HEMK2: variants seen among roughly 807,000 people sequenced by gnomAD.
The protein encoded by HEMK2 is HemK methyltransferase 2, ETF1 glutamine and histone H4 lysine.
the HEMK2 span, among the ~76,000 whole-genome samples, chr21:28,648,645 T>C: frequency 6.6e-6 from 1 of 152,196 alleles, no homozygotes; most frequent in Non-Finnish European, 1.5e-5. Flanking sequence ...ATCTTCTATG[T>C]TGTGATTCTG....
chr21:28,637,453 TAA>T, the HEMK2 span, among the ~76,000 whole-genome samples: 796 of 143,578 alleles, frequency 5.5e-3, 6 homozygotes, highest in African/African-American at 0.019. Context: ...TAACAGAAAT[TAA>T]AAAAAAAAAA....
At chr21:28,771,521 C>G in the HEMK2 span, among the ~76,000 whole-genome samples, 167 of 131,554 alleles carry the variant, frequency 1.3e-3, 5 homozygotes, top group Middle Eastern at 0.012. Flanking sequence ...ATGCACCACC[C>G]CCCCCCGCCA....
the HEMK2 span, among the ~76,000 whole-genome samples, chr21:28,780,742 G>A: frequency 7.9e-5 from 12 of 152,294 alleles, no homozygotes; most frequent in East Asian, 1.5e-3. Flanking sequence ...AAGTCCCAAC[G>A]CCCTAGACGT....
chr21:28,696,810 A>G, the HEMK2 span, among the ~76,000 whole-genome samples: 1 of 152,176 alleles, frequency 6.6e-6, no homozygotes, highest in African/African-American at 2.4e-5. Flanking sequence ...CCCAAACTGC[A>G]TTTCTTGACC....
the HEMK2 span, among the ~76,000 whole-genome samples, chr21:28,739,370 T>C: frequency 1.3e-5 from 2 of 152,244 alleles, no homozygotes; most frequent in African/African-American, 4.8e-5. Flanking sequence ...AAGTGTTTTC[T>C]GAAATTAAGA....
the HEMK2 span, among the ~76,000 whole-genome samples, chr21:28,663,174 A>G: frequency 1.3e-5 from 2 of 152,198 alleles, no homozygotes; most frequent in Non-Finnish European, 2.9e-5. Context: ...ACGCTGGAAG[A>G]AAGACATAAT....
the HEMK2 span, among the ~76,000 whole-genome samples, chr21:28,705,127 T>C: frequency 6.6e-6 from 1 of 152,206 alleles, no homozygotes; most frequent in Non-Finnish European, 1.5e-5. Flanking sequence ...TTTTCATTTC[T>C]TTTCTTTTTT....
the HEMK2 span, among the ~76,000 whole-genome samples, chr21:28,758,642 G>A: frequency 6.6e-6 from 1 of 152,264 alleles, no homozygotes; most frequent in Admixed American, 6.5e-5. Context: ...AAGGCAACAA[G>A]AATAAAACCA....
the HEMK2 span, among the ~76,000 whole-genome samples, chr21:28,678,414 C>A: frequency 6.6e-6 from 1 of 152,194 alleles, no homozygotes; most frequent in Non-Finnish European, 1.5e-5. Flanking sequence ...AAATCTACGT[C>A]TGATTGGTGT....
the HEMK2 span, among the ~76,000 whole-genome samples, chr21:28,745,108 G>A: frequency 6.6e-6 from 1 of 152,180 alleles, no homozygotes; most frequent in Non-Finnish European, 1.5e-5. Flanking sequence ...TGCAAATAAA[G>A]AAAAATTGCT....
the HEMK2 span, among the ~76,000 whole-genome samples, chr21:28,818,805 G>C: frequency 0.016 from 2,466 of 152,276 alleles, 73 homozygotes; most frequent in African/African-American, 0.056. Flanking sequence ...GCAAAGAACT[G>C]TGGTTTTCAT....
chr21:28,810,738 A>T, the HEMK2 span, among the ~76,000 whole-genome samples: 1 of 152,114 alleles, frequency 6.6e-6, no homozygotes, highest in Non-Finnish European at 1.5e-5. Context: ...ACTCCCCAAA[A>T]ATACTCATTC....
chr21:28,663,989 T>G, the HEMK2 span, among the ~76,000 whole-genome samples: 1 of 152,194 alleles, frequency 6.6e-6, no homozygotes, highest in East Asian at 1.9e-4. Context: ...ATTGTACATA[T>G]AGTATGCTCA....
At chr21:28,863,460 A>ATG in the HEMK2 span, among the ~76,000 whole-genome samples, 11 of 77,702 alleles carry the variant, frequency 1.4e-4, no homozygotes, top group Non-Finnish European at 2.5e-4. Flanking sequence ...ATATATATAT[A>ATG]TATATATATA....
the HEMK2 span, among the ~76,000 whole-genome samples, chr21:28,692,437 A>C: frequency 2.0e-5 from 3 of 152,142 alleles, no homozygotes; most frequent in African/African-American, 7.2e-5. Context: ...GAATATATAT[A>C]CTGTATATGC....
At chr21:28,657,108 C>T in the HEMK2 span, among the ~76,000 whole-genome samples, 6 of 152,098 alleles carry the variant, frequency 3.9e-5, no homozygotes, top group East Asian at 7.7e-4. Flanking sequence ...TTATATTAAA[C>T]GGTTTTCATA....
the HEMK2 span, among the ~76,000 whole-genome samples, chr21:28,809,084 T>C: frequency 1.3e-5 from 2 of 152,166 alleles, no homozygotes; most frequent in African/African-American, 4.8e-5. Context: ...AATTGCTCTA[T>C]AGAGGTGACA....
the HEMK2 span, among the ~76,000 whole-genome samples, chr21:28,684,390 C>T: frequency 1.3e-5 from 2 of 152,156 alleles, no homozygotes; most frequent in African/African-American, 2.4e-5. Context: ...CTAGGCTAAA[C>T]GGAAAAACAA....
chr21:28,769,030 T>G, the HEMK2 span, among the ~76,000 whole-genome samples: 1 of 151,950 alleles, frequency 6.6e-6, no homozygotes, highest in Non-Finnish European at 1.5e-5. Flanking sequence ...TCCAGAATGG[T>G]GAAAAAATAA....
Sources: gnomAD v4.1 joint callset for allele counts (sites outside exome capture counted in the v4.1 genomes callset) on GRCh38, gnomAD v4.1.1 for gene constraint, MANE v1.5 for transcripts, NCBI Gene and HGNC (gene_info 2026-07-23, HGNC 2026-07-21) for gene names.